The following NTN4 variants were observed in gnomAD, a reference collection of about 807,000 sequenced individuals.
NTN4 encodes the protein netrin-4.
A neutral mutation model predicts 73.6 loss-of-function variants in NTN4; 32 were observed. The observed-to-expected ratio is 0.44, with a 90% confidence interval of 0.33 to 0.58. NTN4 has a LOEUF of 0.58. NTN4 is among the 20% of genes least tolerant of loss of function. The probability of loss-of-function intolerance (pLI) is 0.04; values close to 1 mark genes in which losing one functional copy is unlikely to be tolerated. For synonymous variants in NTN4, 258 were observed against 287.5 expected (o/e 0.90, Z 1.04); for missense variants, 654 against 798.3 (o/e 0.82, Z 2.18).
Position 95,786,953 on chromosome 12 carries a change from A to C in NTN4, c.571T>G (p.Cys191Gly). 6.2e-7 allele frequency: 1 copy of C among 1,613,938 alleles called. No individual in the cohort carries two copies. Among genetic ancestry groups the C allele is most frequent in the Non-Finnish European group, 8.5e-7 (1 of 1,179,808 alleles). The change falls in exon 2 of 10, where the codon TGC becomes GGC. Residue 191 changes from cysteine (C) to glycine (G), a missense_variant. By Grantham distance (159) the Cys-to-Gly change is radical. Transcript: ENST00000343702. Reference sequence around the variant, plus strand: ...GGTGCCCTTACCTCTCCTCCAGTGCATGGAAAAGGACTGGAGTATTTAGAA... The same window carrying C: ...GGTGCCCTTACCTCTCCTCCAGTGCCTGGAAAAGGACTGGAGTATTTAGAA... ...CTSKYSSPFP[C>G]TGGEVIFKAL...
chr12:95,672,988 T>C (rs1195556402), intron 7 of NTN4: 12 of 1,183,808 alleles, frequency 1.0e-5, no homozygotes, highest in African/African-American at 1.5e-5. Context: ...GCCCATCAGG[T>C]GCATGGAGTT....
intron 2 of NTN4, among the ~76,000 whole-genome samples, chr12:95,746,726 G>A (rs143839164): frequency 1.6e-4 from 25 of 152,130 alleles, no homozygotes; most frequent in African/African-American, 6.0e-4. Context: ...CTAGATTCTC[G>A]AGTCCTTAAG....
intron 2 of NTN4, among the ~76,000 whole-genome samples, chr12:95,782,742 G>C (rs2079142276): frequency 6.6e-6 from 1 of 152,178 alleles, no homozygotes; most frequent in Admixed American, 6.5e-5. Flanking sequence ...AAATCTGTGT[G>C]CTTTGGTTGG....
chr12:95,663,586 G>T lies in NTN4; in HGVS notation c.1750+2224C>A, dbSNP rs2078155261. ...AGTAGCCAAGGAAGCAGGTTGGCGT[G>T]TAAGGTTTCAGTTTTCTTATCAGCT... On this transcript the variant is annotated intron_variant, in intron 9 of 9. Transcript: ENST00000343702. 4 of 152,246 alleles carry T rather than the reference G, an allele frequency of 2.6e-5. No individual in the cohort carries two copies. The South Asian group carries it at 8.3e-4, about 31-fold the overall frequency. 9.4% of individuals were successfully genotyped at this position (152,246 alleles called of 1,614,324 possible).
chr12:95,708,601 G>A (rs958819352), intron 5 of NTN4, among the ~76,000 whole-genome samples: 3 of 152,074 alleles, frequency 2.0e-5, no homozygotes, highest in Non-Finnish European at 4.4e-5. Context: ...TAGAGACAGG[G>A]TCTTCTTCTG....
chr12:95,735,098 A>G (rs2078765416), intron 3 of NTN4, among the ~76,000 whole-genome samples: 1 of 141,712 alleles, frequency 7.1e-6, no homozygotes, highest in Non-Finnish European at 1.6e-5. Flanking sequence ...CAAATTTAAT[A>G]CAAGCTCTTT....
intron 2 of NTN4, among the ~76,000 whole-genome samples, chr12:95,759,867 G>A (rs1199905372): frequency 6.6e-6 from 1 of 152,042 alleles, no homozygotes; most frequent in Non-Finnish European, 1.5e-5. Flanking sequence ...ACATGTTCAT[G>A]TTCTTGAACA....
At chr12:95,664,982 T>G (rs566140769) in intron 9 of NTN4, among the ~76,000 whole-genome samples, 116 of 152,198 alleles carry the variant, frequency 7.6e-4, no homozygotes, top group Non-Finnish European at 1.4e-3. Context: ...AGCAGGGAGA[T>G]GCAGAGGATT....
At chr12:95,729,641 G>A (rs868295154) in intron 3 of NTN4, among the ~76,000 whole-genome samples, 2,575 of 134,496 alleles carry the variant, frequency 0.019, 68 homozygotes, top group African/African-American at 0.09. Flanking sequence ...GAGTGTGTGT[G>A]TGTGTGTGTG....
intron 3 of NTN4, among the ~76,000 whole-genome samples, chr12:95,725,519 G>C (rs2078687204): frequency 6.6e-6 from 1 of 152,122 alleles, no homozygotes. Context: ...TTTTTTTAAA[G>C]ATCCAGTCTA....
intron 2 of NTN4, among the ~76,000 whole-genome samples, chr12:95,783,326 G>T (rs540151294): frequency 6.6e-6 from 1 of 152,330 alleles, no homozygotes; most frequent in South Asian, 2.1e-4. Context: ...GGGATACAGG[G>T]TACATAATGA....
intron 2 of NTN4, among the ~76,000 whole-genome samples, chr12:95,746,879 G>T (rs1323627913): frequency 6.6e-6 from 1 of 152,090 alleles, no homozygotes; most frequent in Non-Finnish European, 1.5e-5. Context: ...TCTTCTGCTG[G>T]AAGTTCAATA....
intron 3 of NTN4, among the ~76,000 whole-genome samples, chr12:95,724,322 C>T (rs1284755907): frequency 1.3e-5 from 2 of 152,184 alleles, no homozygotes. Flanking sequence ...TTACTCCACT[C>T]TATAGAACTG....
chr12:95,786,281 A>G (rs1375880465), intron 2 of NTN4, among the ~76,000 whole-genome samples: 1 of 152,202 alleles, frequency 6.6e-6, no homozygotes, highest in Non-Finnish European at 1.5e-5. Flanking sequence ...TAAGTTAAGA[A>G]GAGCTAAAAA....
intron 2 of NTN4, among the ~76,000 whole-genome samples, chr12:95,754,035 C>T (rs963126231): frequency 5.9e-5 from 9 of 152,180 alleles, no homozygotes; most frequent in Non-Finnish European, 7.3e-5. Context: ...CCCCAAACTG[C>T]CACACTTAAC....
chr12:95,741,767 G>A (rs1054682621), intron 2 of NTN4, among the ~76,000 whole-genome samples: 30 of 151,544 alleles, frequency 2.0e-4, no homozygotes, highest in African/African-American at 4.6e-4. Context: ...TTATGTAAAT[G>A]TGGTCTCTCT....
chr12:95,685,400 G>A (rs1023212481), intron 5 of NTN4, among the ~76,000 whole-genome samples: 1 of 152,166 alleles, frequency 6.6e-6, no homozygotes, highest in African/African-American at 2.4e-5. Flanking sequence ...TTGGTTGACG[G>A]CTCTGCCTCC....
intron 3 of NTN4, among the ~76,000 whole-genome samples, chr12:95,715,980 A>T (rs1337444123): frequency 6.6e-6 from 1 of 152,066 alleles, no homozygotes; most frequent in African/African-American, 2.4e-5. Flanking sequence ...CCGAGGCTGA[A>T]GAATTTAGTA....
chr12:95,763,648 C>T (rs1169914708), intron 2 of NTN4, among the ~76,000 whole-genome samples: 5 of 152,280 alleles, frequency 3.3e-5, no homozygotes, highest in Non-Finnish European at 5.9e-5. Context: ...TTACTAATGA[C>T]GGTATTTTCT....
Sources: allele counts gnomAD v4.1 joint callset (sites outside exome capture counted in the v4.1 genomes callset), GRCh38; gene constraint gnomAD v4.1.1; transcripts MANE v1.5; gene names NCBI Gene and HGNC (gene_info 2026-07-23, HGNC 2026-07-21).